Variants in SLC44A5 observed in about 807,000 individuals in gnomAD.
SLC44A5 encodes solute carrier family 44 member 5.
A neutral mutation model predicts 101.8 loss-of-function variants in SLC44A5; 57 were observed. The ratio of observed to expected loss-of-function variants is 0.56; its 90% CI spans 0.45 to 0.70. The LOEUF (loss-of-function observed/expected upper bound fraction) is 0.70, where lower values mean the gene tolerates loss of function less well. Among genes scored for constraint, SLC44A5 ranks in the 30% least tolerant of loss-of-function variants. The probability of loss-of-function intolerance (pLI) is 0.00; values close to 1 mark genes in which losing one functional copy is unlikely to be tolerated. For missense variants in SLC44A5, 737 were observed against 853.1 expected, an observed-to-expected ratio of 0.86 and a Z score of 1.70; for synonymous variants, 281 against 290.9, an observed-to-expected ratio of 0.97 and a Z score of 0.35.
At chr1:75,467,683 A>G (rs933252727) in intron 2 of SLC44A5, among the ~76,000 whole-genome samples, 6 of 152,228 alleles carry the variant, frequency 3.9e-5, no homozygotes, top group African/African-American at 1.4e-4. Flanking sequence ...AAACTAAATC[A>G]AAATGGATTG....
intron 1 of SLC44A5, among the ~76,000 whole-genome samples, chr1:75,595,070 A>T (rs1674558930): frequency 6.6e-6 from 1 of 152,042 alleles, no homozygotes; most frequent in South Asian, 2.1e-4. Context: ...AACCCAAAAT[A>T]AGAAAATAAT....
At chr1:75,263,659 T>C (rs1452814509) in intron 6 of SLC44A5, among the ~76,000 whole-genome samples, 4 of 152,176 alleles carry the variant, frequency 2.6e-5, no homozygotes, top group Non-Finnish European at 5.9e-5. Context: ...TAAATCATTC[T>C]ACTATAAAGA....
At chr1:75,469,988 C>T (rs1158455251) in intron 2 of SLC44A5, among the ~76,000 whole-genome samples, 2 of 151,566 alleles carry the variant, frequency 1.3e-5, no homozygotes, top group South Asian at 2.1e-4. Context: ...GAGGGCTTCA[C>T]GGATGACTTG....
intron 3 of SLC44A5, among the ~76,000 whole-genome samples, chr1:75,361,577 ACGC>A (rs2101117202): frequency 6.6e-6 from 1 of 152,080 alleles, no homozygotes; most frequent in South Asian, 2.1e-4. Context: ...ATTTTGTCAA[ACGC>A]TTTTGTGCAT....
At chr1:75,287,583 GGGGGAAGAT>G (rs1309746344) in intron 5 of SLC44A5, among the ~76,000 whole-genome samples, 1 of 151,928 alleles carries the variant, frequency 6.6e-6, no homozygotes, top group Non-Finnish European at 1.5e-5. Context: ...GACTATGTCA[GGGGGAAGAT>G]CTGGGGCTCA....
intron 2 of SLC44A5, among the ~76,000 whole-genome samples, chr1:75,470,365 G>A (rs1398513409): frequency 3.3e-5 from 5 of 152,224 alleles, no homozygotes; most frequent in South Asian, 2.1e-4. Context: ...TGTTCCTCAC[G>A]TACTGCCACA....
At chr1:75,424,637 T>C (rs1664201583) in intron 2 of SLC44A5, among the ~76,000 whole-genome samples, 1 of 152,182 alleles carries the variant, frequency 6.6e-6, no homozygotes, top group Non-Finnish European at 1.5e-5. Flanking sequence ...GCAAGAGTTC[T>C]AATAATAGTG....
At position 75,593,113 on chromosome 1, in the gene SLC44A5, A is replaced by G. The variant is rs560511585; in HGVS notation, c.-70+17927T>C. ...CCCCTCTGACAAGGGATTAATAACC[A>G]GAATACACAAGGAACTCAACACTAA... On this transcript the variant is annotated intron_variant, in intron 1 of 23. Transcript: ENST00000370859. Among the ~76,000 whole-genome samples the G allele has an allele frequency of 3.4e-4, 52 of 152,294 alleles. 1 individual carries two copies. The highest frequency in any genetic ancestry group is 4.1e-4 in the South Asian group (2 of 4,830).
intron 3 of SLC44A5, among the ~76,000 whole-genome samples, chr1:75,374,419 G>C (rs550854306): frequency 5.3e-5 from 8 of 152,294 alleles, no homozygotes; most frequent in African/African-American, 1.7e-4. Context: ...ACTTGGCACA[G>C]ACCACACCTA....
chr1:75,709,815 T>G, the SLC44A5 span, among the ~76,000 whole-genome samples: 1 of 152,244 alleles, frequency 6.6e-6, no homozygotes, highest in East Asian at 1.9e-4. Flanking sequence ...CACTAATTCC[T>G]GTTCTTGTAC....
chr1:75,608,799 G>A (rs910190934), intron 1 of SLC44A5, among the ~76,000 whole-genome samples: 14 of 151,310 alleles, frequency 9.3e-5, no homozygotes, highest in South Asian at 2.1e-4. Context: ...ATATTACCTC[G>A]TCAATTGGTC....
intron 1 of SLC44A5, among the ~76,000 whole-genome samples, chr1:75,579,832 C>G (rs1383700820): frequency 1.3e-5 from 2 of 152,062 alleles, no homozygotes; most frequent in Non-Finnish European, 2.9e-5. Flanking sequence ...TATCTACACA[C>G]ACACACACAC....
At chr1:75,507,446 T>A (rs1056816782) in intron 2 of SLC44A5, among the ~76,000 whole-genome samples, 3 of 152,198 alleles carry the variant, frequency 2.0e-5, no homozygotes, top group African/African-American at 7.2e-5. Flanking sequence ...TGGATTTGGT[T>A]TGCTAGCATT....
chr1:75,292,496 A>C (rs181102258), intron 5 of SLC44A5, among the ~76,000 whole-genome samples: 1 of 152,334 alleles, frequency 6.6e-6, no homozygotes, highest in East Asian at 1.9e-4. Context: ...AACTGAAGGA[A>C]AGAAAACCAA....
At chr1:75,585,334 C>T (rs1216807581) in intron 1 of SLC44A5, among the ~76,000 whole-genome samples, 2 of 152,148 alleles carry the variant, frequency 1.3e-5, no homozygotes, top group Non-Finnish European at 2.9e-5. Context: ...CATCCAATGC[C>T]AGTAAGTATT....
intron 2 of SLC44A5, among the ~76,000 whole-genome samples, chr1:75,502,300 C>G (rs1669001182): frequency 1.3e-5 from 2 of 152,162 alleles, no homozygotes; most frequent in African/African-American, 4.8e-5. Flanking sequence ...ACCTTGTTTT[C>G]CTGCAGAGGA....
chr1:75,504,727 T>C (rs1669151695), intron 2 of SLC44A5, among the ~76,000 whole-genome samples: 2 of 152,200 alleles, frequency 1.3e-5, no homozygotes, highest in South Asian at 4.1e-4. Context: ...ATTAAAGTTC[T>C]AAATTAGGGC....
intron 5 of SLC44A5, among the ~76,000 whole-genome samples, chr1:75,297,483 C>G (rs1654055815): frequency 6.6e-6 from 1 of 152,090 alleles, no homozygotes; most frequent in Non-Finnish European, 1.5e-5. Flanking sequence ...CAGGATTTTG[C>G]CATGTTGCCC....
At chr1:75,589,948 GGTCTTC>G (rs1459658715) in intron 1 of SLC44A5, among the ~76,000 whole-genome samples, 1 of 152,094 alleles carries the variant, frequency 6.6e-6, no homozygotes, top group Non-Finnish European at 1.5e-5. Context: ...GCGCCAAAGT[GGTCTTC>G]GTCTCTAAGT....
Sources: allele counts gnomAD v4.1 joint callset (sites outside exome capture counted in the v4.1 genomes callset), GRCh38; gene constraint gnomAD v4.1.1; transcripts MANE v1.5; gene names NCBI Gene and HGNC (gene_info 2026-07-23, HGNC 2026-07-21).